The following MYO16 variants were observed in gnomAD, a reference collection of about 807,000 sequenced individuals.
The protein encoded by MYO16 is myosin XVI, also known as unconventional myosin-XVI.
Under a neutral mutation model 205.3 loss-of-function variants are expected in MYO16, and 94 were observed. The ratio of observed to expected loss-of-function variants is 0.46; its 90% CI spans 0.39 to 0.54. The LOEUF (loss-of-function observed/expected upper bound fraction) is 0.54, where lower values mean the gene tolerates loss of function less well. Among genes scored for constraint, MYO16 ranks in the 20% least tolerant of loss-of-function variants. MYO16 has a pLI of 0.00. For synonymous variants in MYO16, 988 were observed against 954.0 expected (o/e 1.04, Z -0.66); for missense variants, 2,315 against 2,387.5 (o/e 0.97, Z 0.63).
chr13:108,785,322 G>A (rs1886424347), intron 4 of MYO16, among the ~76,000 whole-genome samples: 1 of 152,100 alleles, frequency 6.6e-6, no homozygotes, highest in Non-Finnish European at 1.5e-5. Context: ...CAGGATATAG[G>A]GCAGCCAGCA....
At chr13:108,901,414 A>G (rs1880700579) in intron 15 of MYO16, among the ~76,000 whole-genome samples, 3 of 151,948 alleles carry the variant, frequency 2.0e-5, no homozygotes, top group Admixed American at 2.0e-4. Context: ...CTGTCCCTTT[A>G]TTTCTCAGAC....
intron 12 of MYO16, among the ~76,000 whole-genome samples, chr13:108,866,888 G>A (rs1878746605): frequency 6.6e-6 from 1 of 152,074 alleles, no homozygotes; most frequent in African/African-American, 2.4e-5. Context: ...CCTGAAGCCG[G>A]GGCTCACTCA....
intron 4 of MYO16, among the ~76,000 whole-genome samples, chr13:108,781,138 T>C (rs1886287814): frequency 6.6e-6 from 1 of 152,236 alleles, no homozygotes; most frequent in Non-Finnish European, 1.5e-5. Flanking sequence ...GTTTCGCATA[T>C]ATAGTATTTC....
At chr13:108,625,022 C>T (rs1272682020), upstream of MYO16, among the ~76,000 whole-genome samples, 1 of 152,106 alleles carries the variant, frequency 6.6e-6, no homozygotes, top group Non-Finnish European at 1.5e-5. Flanking sequence ...CACTTTTAGT[C>T]ACTAAAGCAG....
rs1338114085 is a variant in MYO16 at position 109,127,062 on chromosome 13, G to A, written c.3783-220G>A. Among the ~76,000 whole-genome samples, 3 of 152,130 alleles carry A rather than the reference G, an allele frequency of 2.0e-5. No individual in the cohort carries two copies. The highest frequency in any genetic ancestry group is 6.5e-5 in the Admixed American group (1 of 15,274). On this transcript the variant is annotated intron_variant, in intron 30 of 34. Coordinates refer to ENST00000457511, the MANE Select transcript of MYO16 (RefSeq NM_001198950.3). This position sits in a 1 kb window ranked among gnomAD's most constrained non-coding sequence, Gnocchi z 4.2. ...AAAGTAATCATGATGGATATCCCGC[G>A]GGCTCATGTGCTTTTCATCACAAAG...
intron 33 of MYO16, among the ~76,000 whole-genome samples, chr13:109,168,861 T>G (rs1408230741): frequency 6.6e-6 from 1 of 150,738 alleles, no homozygotes; most frequent in African/African-American, 2.4e-5. Context: ...GTCTAATGTC[T>G]TTTGTGTATG....
intron 33 of MYO16, among the ~76,000 whole-genome samples, chr13:109,178,229 C>T (rs1594162549): frequency 6.6e-6 from 1 of 152,162 alleles, no homozygotes; most frequent in Non-Finnish European, 1.5e-5. Context: ...ACACTATTGC[C>T]ACGTAGCACC....
chr13:108,539,073 C>T, the MYO16 span, among the ~76,000 whole-genome samples: 1 of 152,060 alleles, frequency 6.6e-6, no homozygotes, highest in African/African-American at 2.4e-5. Flanking sequence ...CTAGCTACAG[C>T]ACCAGATTTA....
chr13:109,013,108 T>TCCCCCCCCCCCCCCCCCCCCCC (rs1177754621), intron 22 of MYO16, among the ~76,000 whole-genome samples: 3 of 32,612 alleles, frequency 9.2e-5, no homozygotes, highest in Admixed American at 3.5e-4. Context: ...ATGCTACCCC[T>TCCCCCCCCCCCCCCCCCCCCCC]CCCCCACCCC....
At chr13:109,091,756 A>G (rs1014180262) in intron 27 of MYO16, among the ~76,000 whole-genome samples, 5 of 151,742 alleles carry the variant, frequency 3.3e-5, no homozygotes, top group East Asian at 1.9e-4. Context: ...ACGATATTCC[A>G]TTTTTCTCCT....
chr13:109,112,532 G>A (rs534203938), intron 28 of MYO16, among the ~76,000 whole-genome samples: 1 of 152,298 alleles, frequency 6.6e-6, no homozygotes, highest in South Asian at 2.1e-4. Context: ...GAGGCAGGTG[G>A]TTCACCTGGG....
chr13:108,713,040 C>A (rs558221682), intron 3 of MYO16, among the ~76,000 whole-genome samples: 2 of 152,068 alleles, frequency 1.3e-5, no homozygotes, highest in African/African-American at 4.8e-5. Flanking sequence ...TACAAGTTGT[C>A]CTTATTCCTC....
At chr13:108,995,839 T>C (rs1173342829) in intron 21 of MYO16, among the ~76,000 whole-genome samples, 2 of 152,224 alleles carry the variant, frequency 1.3e-5, no homozygotes, top group Non-Finnish European at 2.9e-5. Flanking sequence ...CAGTCTATCA[T>C]TGATGGACAT....
chr13:109,150,311 A>G (rs1328821344), intron 32 of MYO16, among the ~76,000 whole-genome samples: 1 of 152,232 alleles, frequency 6.6e-6, no homozygotes, highest in Non-Finnish European at 1.5e-5. Flanking sequence ...AAATAAAGCC[A>G]GGGCTATACT....
At chr13:108,633,513 T>C (rs1880081945) in intron 1 of MYO16, among the ~76,000 whole-genome samples, 1 of 152,182 alleles carries the variant, frequency 6.6e-6, no homozygotes, top group African/African-American at 2.4e-5. Context: ...CTCTGCCTGC[T>C]TTTATCCTAG....
At chr13:108,758,769 A>T (rs1429206594) in intron 4 of MYO16, among the ~76,000 whole-genome samples, 1 of 152,190 alleles carries the variant, frequency 6.6e-6, no homozygotes, top group Non-Finnish European at 1.5e-5. Context: ...AACTTAAAGA[A>T]TCATGTCATC....
At position 109,140,126 on chromosome 13, in the gene MYO16, G is replaced by C. The variant is rs1233412991; in HGVS notation, c.4052-138G>C. ...TCGGGTTCAGCCAGGGAGCCTAGTG[G>C]GTGGAGGAACATGCAGGCCCGGTCC... On this transcript the variant is annotated intron_variant, in intron 31 of 34. Coordinates refer to ENST00000457511, the MANE Select transcript of MYO16 (RefSeq NM_001198950.3). This position sits in a 1 kb window ranked among gnomAD's most constrained non-coding sequence, Gnocchi z 8.0. The C allele has an allele frequency of 7.1e-7, 1 of 1,413,098 alleles. No homozygotes were observed. Among genetic ancestry groups the C allele is most frequent in the African/African-American group, 1.5e-5 (1 of 66,638 alleles). The allele number at this position is 1,413,098 out of a possible 1,614,324, so 87.5% of individuals were successfully genotyped here. A position where few individuals can be genotyped will look rare whatever the true frequency, so the allele number is the denominator to read the frequency against.
At chr13:109,064,466 G>T (rs1219118116) in intron 27 of MYO16, among the ~76,000 whole-genome samples, 1 of 152,162 alleles carries the variant, frequency 6.6e-6, no homozygotes, top group African/African-American at 2.4e-5. Context: ...TAAAAGCCAA[G>T]TTCCACCAAT....
intron 27 of MYO16, among the ~76,000 whole-genome samples, chr13:109,078,243 A>G (rs1002245278): frequency 4.1e-4 from 61 of 150,162 alleles, no homozygotes; most frequent in African/African-American, 1.5e-3. Context: ...CCTGGGCAGC[A>G]TGGCAAAACC....
Sources: gnomAD v4.1 joint callset for allele counts (sites outside exome capture counted in the v4.1 genomes callset) on GRCh38, gnomAD v4.1.1 for gene constraint, Gnocchi (gnomAD v3.1) non-coding constraint, MANE v1.5 for transcripts, NCBI Gene and HGNC (gene_info 2026-07-23, HGNC 2026-07-21) for gene names.